The following KNDC1 variants were observed in gnomAD, a reference collection of about 807,000 sequenced individuals.
KNDC1 encodes the protein kinase non-catalytic C-lobe domain containing 1, also known as kinase non-catalytic C-lobe domain-containing protein 1.
A neutral mutation model predicts 172.8 loss-of-function variants in KNDC1; 106 were observed. The ratio of observed to expected loss-of-function variants is 0.61; its 90% confidence interval spans 0.52 to 0.72. The LOEUF (loss-of-function observed/expected upper bound fraction) is 0.72. Among genes scored for constraint, KNDC1 ranks in the 30% least tolerant of loss-of-function variants. KNDC1 has a pLI of 0.00. For missense variants in KNDC1, 2,325 were observed against 2,394.5 expected (o/e 0.97, Z 0.61); for synonymous variants, 1,083 against 1,062.2 (o/e 1.02, Z -0.38).
intron 24 of KNDC1, 122 bp downstream of exon 24, chr10:133,213,044 T>C: frequency 9.0e-6 from 8 of 884,260 alleles, no homozygotes; most frequent in Non-Finnish European, 1.2e-5. Flanking sequence ...AGGGGCCAGC[T>C]GCCAGGTGCA....
chr10:133,168,420 T>G (rs1853254991), intron 3 of KNDC1, 108 bp downstream of exon 3: 2 of 1,186,030 alleles, frequency 1.7e-6, no homozygotes, highest in Admixed American at 1.8e-5. Flanking sequence ...GCAAGTGGCC[T>G]CTGGCCGGGA....
intron 17 of KNDC1, among the ~76,000 whole-genome samples, chr10:133,203,331 GC>G (rs1247949134): frequency 6.6e-6 from 1 of 152,144 alleles, no homozygotes; most frequent in African/African-American, 2.4e-5. Context: ...ATGGTGTCCA[GC>G]AGGGAGCACT....
intron 26 of KNDC1, among the ~76,000 whole-genome samples, chr10:133,216,271 G>A (rs1217501536): frequency 1.3e-5 from 2 of 151,080 alleles, no homozygotes; most frequent in African/African-American, 4.8e-5. Flanking sequence ...TGAAGAAAAT[G>A]GGGGGTCGGT....
chr10:133,177,650 A>G (rs184090242), intron 3 of KNDC1, among the ~76,000 whole-genome samples: 1,640 of 151,558 alleles, frequency 0.011, 29 homozygotes, highest in African/African-American at 0.036. Context: ...GTGTTGCATG[A>G]TGTGTACATG....
At chr10:133,216,279 G>A (rs1027797867) in intron 26 of KNDC1, among the ~76,000 whole-genome samples, 7 of 151,830 alleles carry the variant, frequency 4.6e-5, no homozygotes, top group Admixed American at 2.6e-4. Flanking sequence ...ATGGGGGGTC[G>A]GTGGTTCCGT....
rs376684409 is a variant in KNDC1 at position 133,206,909 on chromosome 10, A to G, written c.3535A>G (p.Lys1179Glu). 1.2e-6 allele frequency: 2 copies of G among 1,614,000 alleles called. No individual in the cohort carries two copies. The highest frequency in any genetic ancestry group is 8.5e-7 in the Non-Finnish European group (1 of 1,180,034). Residue 1179 changes from lysine (K) to glutamate (E), a missense_variant, in exon 19 of 30, where the codon AAA becomes GAA. Coordinates refer to ENST00000304613, the MANE Select transcript of KNDC1 (RefSeq NM_152643.8). Reference sequence around the variant, plus strand: ...GCTGAAAGGGCAGCTAGAAGAAATGAAATCCAGGGTGCAATTCCTCAGCTT... The same window carrying G: ...GCTGAAAGGGCAGCTAGAAGAAATGGAATCCAGGGTGCAATTCCTCAGCTT... ...SKLKGQLEEM[K>E]SRVQFLSLVK...
At chr10:133,168,186 T>C (rs2998152) in intron 2 of KNDC1, 68 bp from the exon 3 acceptor site, 911,126 of 1,437,182 alleles carry the variant, frequency 0.63, 291,043 homozygotes, top group Admixed American at 0.77. Flanking sequence ...CAGGCCCTTC[T>C]CAGCTGGCGG....
chr10:133,172,039 A>G (rs918174791), intron 3 of KNDC1, among the ~76,000 whole-genome samples: 1 of 152,214 alleles, frequency 6.6e-6, no homozygotes, highest in Non-Finnish European at 1.5e-5. Flanking sequence ...ACAAAGAAAC[A>G]AGTGTTGGTT....
At chr10:133,214,218 C>T in intron 26 of KNDC1, 96 bp downstream of exon 26, 1 of 1,340,566 alleles carries the variant, frequency 7.5e-7, no homozygotes, top group East Asian at 2.4e-5. Context: ...TGAACCCTCT[C>T]CCAATGCAGT....
In KNDC1 at chr10:133,167,177, A is replaced by G. The variant is rs577044885; in HGVS notation, c.103-204A>G. On this transcript the variant is annotated intron_variant, in intron 1 of 29. Transcript: ENST00000304613. Reference sequence around the variant, plus strand: ...CTCTGGGCAGCACGCCGACGGTGCCACCAAATGTTCCGTGGCTCTGACGTC... The same window carrying G: ...CTCTGGGCAGCACGCCGACGGTGCCGCCAAATGTTCCGTGGCTCTGACGTC... 312 of 603,252 alleles carry G rather than the reference A, an allele frequency of 5.2e-4. 2 individuals are homozygous for G. The highest frequency in any genetic ancestry group is 4.7e-3 in the African/African-American group (251 of 53,962). 37.4% of individuals were successfully genotyped at this position (603,252 alleles called of 1,614,324 possible).
chr10:133,178,212 TGTG>T (rs2135964118), intron 3 of KNDC1, among the ~76,000 whole-genome samples: 1 of 151,932 alleles, frequency 6.6e-6, no homozygotes, highest in South Asian at 2.1e-4. Flanking sequence ...TGTGTATGTA[TGTG>T]GTGTGTGTGC....
chr10:133,186,327 G>A lies in KNDC1; in HGVS notation c.979G>A (p.Gly327Arg), dbSNP rs1037969343. ...EATLCLPLTR[G>R]KSQLPISELF... is the part of the protein sequence containing the mutation. ...CACCCTCTGCCTGCCGCTGACCCGC[G>A]GGAAAAGCCAGCTGCCCATATCGGA... The change falls in exon 6 of 30, where the codon GGG (glycine) becomes AGG (arginine). Residue 327 changes from glycine (G) to arginine (R), a missense_variant. By Grantham distance (125) the Gly-to-Arg change is moderately radical. Coordinates refer to ENST00000304613, the MANE Select transcript of KNDC1 (RefSeq NM_152643.8). The A allele has an allele frequency of 8.1e-6, 13 of 1,612,464 alleles. No individual in the cohort carries two copies. The highest frequency in any genetic ancestry group is 2.7e-5 in the African/African-American group (2 of 74,910).
At chr10:133,174,639 G>A (rs1853474812) in intron 3 of KNDC1, among the ~76,000 whole-genome samples, 1 of 152,020 alleles carries the variant, frequency 6.6e-6, no homozygotes, top group African/African-American at 2.4e-5. Flanking sequence ...TGGGTGGATG[G>A]GCAGGTGGAT....
intron 3 of KNDC1, among the ~76,000 whole-genome samples, chr10:133,171,505 C>T (rs896680888): frequency 1.3e-5 from 2 of 152,174 alleles, no homozygotes; most frequent in African/African-American, 4.8e-5. Flanking sequence ...CTCCTGCCTT[C>T]AAGTGATCCT....
At chr10:133,192,200 A>G (rs142027225) in intron 9 of KNDC1, among the ~76,000 whole-genome samples, 99 of 152,390 alleles carry the variant, frequency 6.5e-4, no homozygotes, top group African/African-American at 2.3e-3. Flanking sequence ...AGCCAAAGCA[A>G]TTTTAAGTGA....
rs564903874 is a variant in KNDC1 at position 133,183,981 on chromosome 10, C to G, written c.617C>G (p.Ala206Gly). ...GTCCTCTCCATCGAGTCCTTCGGAGCGCTGCAGGGTGAGTTCTTGAACCCA... is the reference window on the plus strand; with the variant it reads ...GTCCTCTCCATCGAGTCCTTCGGAGGGCTGCAGGGTGAGTTCTTGAACCCA... ...RRVLSIESFG[A>G]LQDVSESSWR... Residue 206 changes from alanine to glycine, a missense_variant, in exon 5 of 30, where the codon GCG becomes GGG. Ala to Gly is a moderately conservative substitution (Grantham distance 60). Coordinates refer to ENST00000304613, the MANE Select transcript of KNDC1 (RefSeq NM_152643.8). 5.1e-6 allele frequency: 8 copies of G among 1,571,422 alleles called. No homozygotes were observed. The East Asian group carries it at 9.1e-5, about 18-fold the overall frequency.
rs1027213757 is a variant in KNDC1, at chr10:133,212,818, G to C, written c.4339G>C (p.Glu1447Gln). The C allele has an allele frequency of 8.7e-6, 14 of 1,613,842 alleles. No homozygotes were observed. Among genetic ancestry groups the C allele is most frequent in the Non-Finnish European group, 1.2e-5 (14 of 1,179,964 alleles). ...AAALPKPCFL[E>Q]DFYGPCAKTS... ...CGCCCTGCCCAAGCCCTGCTTCCTCGAGGACTTCTACGGCCCCTGCGCCAA... is the reference window on the plus strand; with the variant it reads ...CGCCCTGCCCAAGCCCTGCTTCCTCCAGGACTTCTACGGCCCCTGCGCCAA... The change falls in exon 24 of 30, where the codon GAG becomes CAG. Residue 1447 changes from glutamate to glutamine, a missense_variant. Transcript: ENST00000304613.
chr10:133,186,625 A>G lies in KNDC1; in HGVS notation c.1277A>G (p.Glu426Gly). ...SGEAQTPRDD[E>G]RIPEGARQLE... ...GAAGCCCAGACTCCCAGGGACGATG[A>G]GAGAATTCCAGAAGGAGCTAGGCAG... Residue 426 changes from glutamate to glycine, a missense_variant, in exon 6 of 30, where the codon GAG becomes GGG. Physicochemically the swap from Glu to Gly is moderately conservative, Grantham distance 98 (BLOSUM62 -2). Coordinates refer to ENST00000304613, the MANE Select transcript of KNDC1 (RefSeq NM_152643.8). 6.3e-7 allele frequency: 1 copy of G among 1,595,952 alleles called. No homozygotes were observed. Among genetic ancestry groups the G allele is most frequent in the Non-Finnish European group, 8.5e-7 (1 of 1,178,762 alleles).
rs777413562 is a variant in KNDC1 at position 133,160,493 on chromosome 10, C to T, written c.26C>T (p.Ala9Val). ...ATGCAGGCCATGGACCCGGCCGCGG[C>T]GGATCTTTACGAGGAGGACGGCAAA... The part of the protein sequence containing the change: MQAMDPAA[A>V]DLYEEDGKDL... The change falls in exon 1 of 30, where the codon GCG becomes GTG. Residue 9 changes from alanine (A) to valine (V), a missense_variant. By Grantham distance (64) the Ala-to-Val change is moderately conservative. Transcript: ENST00000304613. 4.0e-5 allele frequency: 63 copies of T among 1,587,202 alleles called. No individual in the cohort carries two copies. The highest frequency in any genetic ancestry group is 5.0e-5 in the Non-Finnish European group (59 of 1,168,768).
Sources: allele counts gnomAD v4.1 joint callset (sites outside exome capture counted in the v4.1 genomes callset), GRCh38; gene constraint gnomAD v4.1.1; transcripts MANE v1.5; gene names NCBI Gene and HGNC (gene_info 2026-07-23, HGNC 2026-07-21).